The following TPRA1 variants were observed in gnomAD, a reference collection of about 807,000 sequenced individuals.
TPRA1 encodes the protein transmembrane protein adipocyte-associated 1.
A neutral mutation model predicts 40.1 loss-of-function variants in TPRA1; 28 were observed. That is an observed-to-expected ratio of 0.70 (90% CI 0.52 to 0.96). TPRA1 has a LOEUF of 0.96. TPRA1 is among the 40% of genes least tolerant of loss of function. The probability of loss-of-function intolerance (pLI) is 0.00; values close to 1 mark genes in which losing one functional copy is unlikely to be tolerated. For synonymous variants in TPRA1, 219 were observed against 209.7 expected, an observed-to-expected ratio of 1.04 and a Z score of -0.38; for missense variants, 441 against 482.6, an observed-to-expected ratio of 0.91 and a Z score of 0.81.
chr3:127,573,640 T>C lies in TPRA1; in HGVS notation c.1003A>G (p.Ser335Gly). The change falls in exon 11 of 11, where the codon AGC becomes GGC. Residue 335 changes from serine (S) to glycine (G), a missense_variant. Coordinates refer to ENST00000355552, the MANE Select transcript of TPRA1 (RefSeq NM_001136053.4). ...AAGASAASYS[S>G]TQFDSAGGVA... The stretch of plus-strand genomic sequence containing the variant: ...CCGCCGGCAGAGTCGAACTGCGTGC[T>C]CGAGTAGCTGGCAGCTGAGGCCCCA... 1 of 1,613,374 alleles carries C rather than the reference T, an allele frequency of 6.2e-7. No individual in the cohort carries two copies. Among genetic ancestry groups the C allele is most frequent in the Non-Finnish European group, 8.5e-7 (1 of 1,179,980 alleles).
chr3:127,592,277 C>G (rs2074186483), upstream of TPRA1, among the ~76,000 whole-genome samples: 1 of 151,812 alleles, frequency 6.6e-6, no homozygotes, highest in Non-Finnish European at 1.5e-5. Context: ...GTGACCAGGC[C>G]TAATAACTAC....
chr3:127,593,576 C>G (rs763649815), upstream of TPRA1, among the ~76,000 whole-genome samples: 8 of 152,120 alleles, frequency 5.3e-5, no homozygotes, highest in Non-Finnish European at 8.8e-5. Context: ...CCACCCACCC[C>G]GGCCAAGAGA....
intron 1 of TPRA1, among the ~76,000 whole-genome samples, chr3:127,581,929 A>G (rs1297713021): frequency 6.6e-6 from 1 of 151,874 alleles, no homozygotes; most frequent in Non-Finnish European, 1.5e-5. Flanking sequence ...CTCAAAAAAA[A>G]AAAAAAAAGA....
At position 127,578,867 on chromosome 3, in the gene TPRA1, G is replaced by A. The variant is rs150682701; in HGVS notation, c.258+873C>T. Reference sequence around the variant, plus strand: ...GGTGGTATCTAAGGGCCACAGAGAAGGGAGGACTCCAGTCAGGCAGGCCCT... The same window carrying A: ...GGTGGTATCTAAGGGCCACAGAGAAAGGAGGACTCCAGTCAGGCAGGCCCT... On this transcript the variant is annotated intron_variant, in intron 3 of 10. Transcript: ENST00000355552. Among the ~76,000 whole-genome samples, 385 of 152,324 alleles carry A rather than the reference G, an allele frequency of 2.5e-3. 2 individuals are homozygous for A. Among genetic ancestry groups the A allele is most frequent in the Non-Finnish European group, 3.9e-3 (267 of 68,016 alleles).
intron 3 of TPRA1, among the ~76,000 whole-genome samples, chr3:127,578,962 G>C (rs965593653): frequency 5.9e-5 from 9 of 152,028 alleles, no homozygotes; most frequent in African/African-American, 2.2e-4. Flanking sequence ...CACCAGGACA[G>C]CCCGCACCGG....
rs766797022 is a variant in TPRA1, at chr3:127,575,735, G to A, written c.670+14C>T. 4.8e-5 allele frequency: 78 copies of A among 1,613,180 alleles called. No homozygotes were observed. Among genetic ancestry groups the A allele is most frequent in the Non-Finnish European group, 6.4e-5 (76 of 1,179,782 alleles). On this transcript the variant is annotated intron_variant, in intron 8 of 10. Transcript: ENST00000355552. ...CATCCCCGCCTGTCCCAGAGCCGCC[G>A]GCCAGCTGCTCACAAGGCAGGGAGA...
At chr3:127,579,460 G>T (rs1304753378) in intron 3 of TPRA1, among the ~76,000 whole-genome samples, 1 of 151,990 alleles carries the variant, frequency 6.6e-6, no homozygotes, top group Non-Finnish European at 1.5e-5. Context: ...GAAATCCCAG[G>T]TCTACACTGG....
At chr3:127,575,022 G>T (rs368987848) in intron 10 of TPRA1, 163 bp downstream of exon 10, 44 of 720,108 alleles carry the variant, frequency 6.1e-5, no homozygotes, top group Non-Finnish European at 7.0e-6. Flanking sequence ...GTGTGCATGT[G>T]CATGTGTATC....
chr3:127,591,591 C>T (rs1443004980), upstream of TPRA1, among the ~76,000 whole-genome samples: 1 of 152,220 alleles, frequency 6.6e-6, no homozygotes, highest in Admixed American at 6.5e-5. Context: ...GGCTCTACAC[C>T]TGTTCCCCCG....
In TPRA1 at chr3:127,573,642, G is replaced by C. The variant is rs1044485311; in HGVS notation, c.1001C>G (p.Ser334Trp). The change falls in exon 11 of 11, where the codon TCG becomes TGG. Residue 334 changes from serine to tryptophan, a missense_variant. Ser to Trp is a radical substitution (Grantham distance 177). Transcript: ENST00000355552. Reference protein sequence around the residue: ...GAAGASAASYSSTQFDSAGGV... With the variant: ...GAAGASAASYWSTQFDSAGGV... ...GCCGGCAGAGTCGAACTGCGTGCTC[G>C]AGTAGCTGGCAGCTGAGGCCCCAGC... The C allele has an allele frequency of 2.5e-6, 4 of 1,613,282 alleles. No homozygotes were observed. Among genetic ancestry groups the C allele is most frequent in the Admixed American group, 3.3e-5 (2 of 60,004 alleles).
rs1394086148 is a variant in TPRA1 at position 127,571,664 on chromosome 3, G to C, written c.*1857C>G. 1 of 152,190 alleles carries C rather than the reference G, an allele frequency of 6.6e-6. No homozygotes were observed. The highest frequency in any genetic ancestry group is 1.5e-5 in the Non-Finnish European group (1 of 68,036). The allele number at this position is 152,190 out of a possible 1,614,324, so 9.4% of individuals were successfully genotyped here. On this transcript the variant is annotated 3_prime_UTR_variant, in exon 11 of 11. Transcript: ENST00000355552. ...GGATGATATACACATCCGTTGGTGT[G>C]AACACAGGATGGCTCTGGAAGGTTA... is the stretch of plus-strand genomic sequence containing the variant.
In TPRA1 at chr3:127,575,173, C is replaced by T. The variant is rs2073550836; in HGVS notation, c.854+12G>A. The stretch of plus-strand genomic sequence containing the variant: ...GGCAGCCACGCGGGGGCGCCGGCGG[C>T]CACAGACTCACCCGAAGAAGCCCCG... On this transcript the variant is annotated intron_variant, in intron 10 of 10. Coordinates refer to ENST00000355552, the MANE Select transcript of TPRA1 (RefSeq NM_001136053.4). 1 of 1,613,274 alleles carries T rather than the reference C, an allele frequency of 6.2e-7. No individual in the cohort carries two copies. The highest frequency in any genetic ancestry group is 1.1e-5 in the South Asian group (1 of 91,076).
At chr3:127,586,033 G>A (rs189092460) in intron 1 of TPRA1, among the ~76,000 whole-genome samples, 2 of 152,326 alleles carry the variant, frequency 1.3e-5, no homozygotes, top group East Asian at 1.9e-4. Flanking sequence ...GCCCTGCAGA[G>A]TGGCTCTGGT....
chr3:127,596,913 G>T (rs1203405448), intron 1 of TPRA1, among the ~76,000 whole-genome samples: 2 of 152,118 alleles, frequency 1.3e-5, no homozygotes, highest in Non-Finnish European at 2.9e-5. Flanking sequence ...TCAGGAGTTG[G>T]AGACCAGCCT....
At chr3:127,590,819 G>A (rs1394901370), upstream of TPRA1, 1 of 142,550 alleles carries the variant, frequency 7.0e-6, no homozygotes, top group East Asian at 2.1e-4. Flanking sequence ...TCATCACTGG[G>A]GGAAAAAAAA....
In TPRA1 at chr3:127,572,701, G is replaced by A. The variant is rs1015908017; in HGVS notation, c.*820C>T. On this transcript the variant is annotated 3_prime_UTR_variant, in exon 11 of 11. Coordinates refer to ENST00000355552, the MANE Select transcript of TPRA1 (RefSeq NM_001136053.4). ...TCCTTACAAAAGGCCCTGCAGGATG[G>A]GTCTTCTCCGCATTTTACAGATGGC... Among the ~76,000 whole-genome samples, 2 of 152,190 alleles carry A rather than the reference G, an allele frequency of 1.3e-5. No homozygotes were observed. The highest frequency in any genetic ancestry group is 2.9e-5 in the Non-Finnish European group (2 of 68,034).
intron 1 of TPRA1, among the ~76,000 whole-genome samples, chr3:127,583,427 G>C (rs964823295): frequency 1.6e-4 from 24 of 152,300 alleles, no homozygotes; most frequent in Non-Finnish European, 3.2e-4. Context: ...GAGCCCAGGA[G>C]TTCGAGGCTG....
upstream of TPRA1, among the ~76,000 whole-genome samples, chr3:127,594,437 T>C (rs73861526): frequency 8.7e-4 from 132 of 152,240 alleles, no homozygotes; most frequent in African/African-American, 3.1e-3. Flanking sequence ...GTAGACCCCC[T>C]AGGGTTCTGG....
At chr3:127,577,212 G>A in intron 3 of TPRA1, 136 bp from the exon 4 acceptor site, 1 of 815,804 alleles carries the variant, frequency 1.2e-6, no homozygotes, top group Non-Finnish European at 2.0e-6. Flanking sequence ...AGTCAGGGTG[G>A]GACACAGGGA....
Sources: gnomAD v4.1 joint callset for allele counts (sites outside exome capture counted in the v4.1 genomes callset) on GRCh38, gnomAD v4.1.1 for gene constraint, MANE v1.5 for transcripts, NCBI Gene and HGNC (gene_info 2026-07-23, HGNC 2026-07-21) for gene names.